Variants in CYP4X1 observed in about 807,000 individuals in gnomAD.
The protein encoded by CYP4X1 is cytochrome P450 family 4 subfamily X member 1.
A neutral mutation model predicts 57.9 loss-of-function variants in CYP4X1; 44 were observed. The ratio of observed to expected loss-of-function variants is 0.76; its 90% CI spans 0.60 to 0.98. CYP4X1 has a LOEUF of 0.98. Among genes scored for constraint, CYP4X1 ranks in the 50% least tolerant of loss-of-function variants. The pLI, the probability that CYP4X1 is intolerant of heterozygous loss-of-function variation, is 0.00. For synonymous variants in CYP4X1, 227 were observed against 228.6 expected (o/e 0.99, Z 0.06); for missense variants, 532 against 623.9 (o/e 0.85, Z 1.57).
At chr1:47,005,221 G>C in the CYP4X1 span, among the ~76,000 whole-genome samples, 3 of 152,192 alleles carry the variant, frequency 2.0e-5, no homozygotes, top group African/African-American at 7.2e-5. Flanking sequence ...TTGCAATACT[G>C]TTTGGCCTCA....
chr1:47,025,904 C>A (rs1008713011), intron 1 of CYP4X1, among the ~76,000 whole-genome samples: 10 of 152,166 alleles, frequency 6.6e-5, no homozygotes, highest in Non-Finnish European at 1.5e-4. Context: ...TTATGTATCT[C>A]TACTGTCTCA....
At chr1:47,021,706 G>A (rs767308365), upstream of CYP4X1, among the ~76,000 whole-genome samples, 41 of 152,198 alleles carry the variant, frequency 2.7e-4, 1 homozygote, top group Admixed American at 1.7e-3. Context: ...CACATGGAAC[G>A]GTGCTGGACA....
the CYP4X1 span, among the ~76,000 whole-genome samples, chr1:46,974,306 T>C: frequency 6.6e-6 from 1 of 152,156 alleles, no homozygotes; most frequent in African/African-American, 2.4e-5. Flanking sequence ...TTGGTGTGTA[T>C]GTTTTTTCTT....
chr1:47,030,266 G>A, intron 2 of CYP4X1, 135 bp downstream of exon 2: 2 of 1,112,316 alleles, frequency 1.8e-6, no homozygotes, highest in South Asian at 1.8e-5. Flanking sequence ...GAGGTGACAG[G>A]TTTCCTACCA....
the CYP4X1 span, among the ~76,000 whole-genome samples, chr1:47,011,833 G>A: frequency 6.6e-6 from 1 of 152,228 alleles, no homozygotes; most frequent in Non-Finnish European, 1.5e-5. Context: ...GGCCATCGGA[G>A]AAATGCAAAT....
chr1:47,021,681 T>C (rs1344804966), upstream of CYP4X1, among the ~76,000 whole-genome samples: 1 of 152,210 alleles, frequency 6.6e-6, no homozygotes, highest in African/African-American at 2.4e-5. Flanking sequence ...AGAGTTCCTT[T>C]GTTACCCATG....
At chr1:46,967,254 T>G in the CYP4X1 span, among the ~76,000 whole-genome samples, 1 of 152,182 alleles carries the variant, frequency 6.6e-6, no homozygotes, top group Non-Finnish European at 1.5e-5. Flanking sequence ...CACCTTGGAT[T>G]TGGAGCAAGA....
intron 4 of CYP4X1, among the ~76,000 whole-genome samples, chr1:47,033,638 T>G (rs1351314114): frequency 6.6e-6 from 1 of 152,162 alleles, no homozygotes; most frequent in Non-Finnish European, 1.5e-5. Context: ...AGTTAGATAG[T>G]AAGTGCTGTA....
the CYP4X1 span, among the ~76,000 whole-genome samples, chr1:47,008,916 T>C: frequency 6.6e-6 from 1 of 152,186 alleles, no homozygotes; most frequent in East Asian, 1.9e-4. Flanking sequence ...CCCAGATTCA[T>C]AAAGCAAGTC....
the CYP4X1 span, among the ~76,000 whole-genome samples, chr1:46,973,105 C>T: frequency 6.6e-6 from 1 of 151,778 alleles, no homozygotes; most frequent in East Asian, 1.9e-4. Context: ...AGGTATGTAC[C>T]TTTGATATCT....
intron 4 of CYP4X1, among the ~76,000 whole-genome samples, chr1:47,035,075 C>T (rs72892617): frequency 0.019 from 2,904 of 150,120 alleles, 94 homozygotes; most frequent in African/African-American, 0.068. Context: ...TCAGGTTGAC[C>T]GATAGGTCTT....
the CYP4X1 span, among the ~76,000 whole-genome samples, chr1:46,984,985 G>A: frequency 6.6e-6 from 1 of 152,202 alleles, no homozygotes; most frequent in Non-Finnish European, 1.5e-5. Flanking sequence ...CAGCACAGGA[G>A]TCTGAGGTCA....
At chr1:47,042,649 A>G (rs1225644994) in intron 8 of CYP4X1, among the ~76,000 whole-genome samples, 3 of 152,060 alleles carry the variant, frequency 2.0e-5, no homozygotes, top group Non-Finnish European at 2.9e-5. Flanking sequence ...CCATTGTATC[A>G]TTCTTATGCC....
At position 47,023,728 on chromosome 1, in the gene CYP4X1, G is replaced by A. The variant is rs1382503860; in HGVS notation, c.-90G>A. On this transcript the variant is annotated 5_prime_UTR_variant, in exon 1 of 12. It adds an upstream start codon to the 5' untranslated region. Coordinates refer to ENST00000371901, the MANE Select transcript of CYP4X1 (RefSeq NM_178033.2). ...CGCGAGGGCCCAGAGAGGCGGTGGG[G>A]TGGGCGACCCTACGCCAGCTCCGGG... The A allele has an allele frequency of 1.3e-6, 2 of 1,497,358 alleles. No individual in the cohort carries two copies. The highest frequency in any genetic ancestry group is 2.4e-5 in the East Asian group (1 of 42,092). The allele number at this position is 1,497,358 out of a possible 1,614,324, so 92.8% of individuals were successfully genotyped here. A position where few individuals can be genotyped will look rare whatever the true frequency, so the allele number is the denominator to read the frequency against.
chr1:46,998,390 G>C, the CYP4X1 span, among the ~76,000 whole-genome samples: 1 of 152,088 alleles, frequency 6.6e-6, no homozygotes, highest in African/African-American at 2.4e-5. Flanking sequence ...GCCTAGGCTG[G>C]TCTCAAATTC....
At chr1:46,982,171 T>C in the CYP4X1 span, among the ~76,000 whole-genome samples, 2 of 152,202 alleles carry the variant, frequency 1.3e-5, no homozygotes, top group Non-Finnish European at 2.9e-5. Context: ...ATAAAATTAT[T>C]GTACTATGTT....
the CYP4X1 span, among the ~76,000 whole-genome samples, chr1:46,976,302 G>T: frequency 1.3e-5 from 2 of 152,094 alleles, no homozygotes; most frequent in Non-Finnish European, 2.9e-5. Context: ...TATATCCCAC[G>T]CCTGGATCCG....
chr1:47,022,816 A>G (rs1569598848), upstream of CYP4X1, among the ~76,000 whole-genome samples: 1 of 152,060 alleles, frequency 6.6e-6, no homozygotes, highest in South Asian at 2.1e-4. Context: ...ATGAATAAAT[A>G]AATGAATGAA....
chr1:47,007,532 A>G, the CYP4X1 span, among the ~76,000 whole-genome samples: 2 of 152,240 alleles, frequency 1.3e-5, no homozygotes, highest in Non-Finnish European at 2.9e-5. Context: ...CTCCTCTTCC[A>G]AAGGAACACA....
Sources: gnomAD v4.1 joint callset for allele counts (sites outside exome capture counted in the v4.1 genomes callset) on GRCh38, gnomAD v4.1.1 for gene constraint, MANE v1.5 for transcripts, NCBI Gene and HGNC (gene_info 2026-07-23, HGNC 2026-07-21) for gene names.